KAZN: variants seen among roughly 807,000 people sequenced by gnomAD.
The protein encoded by KAZN is kazrin.
KAZN carries 40 observed loss-of-function variants against 87.4 expected under a neutral mutation model. That is an observed-to-expected ratio of 0.46 (90% confidence interval 0.36 to 0.60). The LOEUF (loss-of-function observed/expected upper bound fraction) is 0.60. Among genes scored for constraint, KAZN ranks in the 20% least tolerant of loss-of-function variants. The pLI is 0.00. For missense variants in KAZN, 898 were observed against 1,073.9 expected (o/e 0.84, Z 2.29); for synonymous variants, 466 against 458.3 (o/e 1.02, Z -0.22).
intron 2 of KAZN, among the ~76,000 whole-genome samples, chr1:14,971,036 C>T (rs1664971043): frequency 6.6e-6 from 1 of 152,234 alleles, no homozygotes; most frequent in Non-Finnish European, 1.5e-5. Flanking sequence ...GTCCTCCCAA[C>T]AACCCATGTT....
chr1:14,729,077 G>A (rs1643556564), intron 1 of KAZN, among the ~76,000 whole-genome samples: 1 of 152,098 alleles, frequency 6.6e-6, no homozygotes, highest in African/African-American at 2.4e-5. Context: ...TATCCTTGAG[G>A]CTTTCCTGCC....
intron 2 of KAZN, among the ~76,000 whole-genome samples, chr1:14,395,276 T>C (rs939815957): frequency 6.6e-6 from 1 of 152,236 alleles, no homozygotes; most frequent in African/African-American, 2.4e-5. Context: ...AAGTCTGTGT[T>C]GATGTTGTCA....
At chr1:13,996,791 TG>T (rs1389670207) in intron 1 of KAZN, among the ~76,000 whole-genome samples, 2 of 152,228 alleles carry the variant, frequency 1.3e-5, no homozygotes, top group African/African-American at 4.8e-5. Context: ...CTGAGGAATC[TG>T]GGCAGCCCGG....
At chr1:15,000,044 G>T (rs1668307951) in intron 2 of KAZN, among the ~76,000 whole-genome samples, 1 of 152,162 alleles carries the variant, frequency 6.6e-6, no homozygotes, top group African/African-American at 2.4e-5. Context: ...TGTGACGGAG[G>T]ATCTTGAGAT....
At chr1:14,874,514 ATGGATG>A (rs1652537305) in intron 1 of KAZN, among the ~76,000 whole-genome samples, 1 of 151,862 alleles carries the variant, frequency 6.6e-6, no homozygotes, top group African/African-American at 2.4e-5. Flanking sequence ...GGATGGATGG[ATGGATG>A]GACAGATGGA....
At chr1:14,537,608 C>T (rs143947878) in intron 2 of KAZN, among the ~76,000 whole-genome samples, 5 of 152,264 alleles carry the variant, frequency 3.3e-5, no homozygotes, top group African/African-American at 1.2e-4. Flanking sequence ...AGCCTCAGTT[C>T]CTACAGTTCC....
chr1:13,976,475 A>T (rs1027610125), intron 1 of KAZN, among the ~76,000 whole-genome samples: 1 of 151,996 alleles, frequency 6.6e-6, no homozygotes, highest in African/African-American at 2.4e-5. Flanking sequence ...CAGAAATTGC[A>T]GTAAGAAAGC....
intron 2 of KAZN, among the ~76,000 whole-genome samples, chr1:14,401,790 T>G (rs546025096): frequency 6.6e-6 from 1 of 152,120 alleles, no homozygotes; most frequent in African/African-American, 2.4e-5. Context: ...GAATCAATCA[T>G]TAGTAAGCTC....
At chr1:14,665,932 C>CAAAAAAA (rs60081619) in intron 1 of KAZN, among the ~76,000 whole-genome samples, 6 of 108,014 alleles carry the variant, frequency 5.6e-5, no homozygotes, top group Admixed American at 1.1e-4. Flanking sequence ...AAGCTTTGCT[C>CAAAAAAA]AAAAAAAAAA....
chr1:14,973,890 TG>T (rs1665345379), intron 2 of KAZN, among the ~76,000 whole-genome samples: 1 of 151,990 alleles, frequency 6.6e-6, no homozygotes, highest in African/African-American at 2.4e-5. Context: ...TAAATCTTAG[TG>T]GCATAAAGCA....
rs1487193079 is a variant in KAZN at position 14,514,397 on chromosome 1, TTA to T, written c.250-84577_250-84576del. On this transcript the variant is annotated intron_variant, in intron 2 of 16. Transcript: ENST00000636203. ...TATAATATATATATATTATATATAT[TTA>T]TATATATAATATATAAATATATATA... Among the ~76,000 whole-genome samples, 10 of 10,154 alleles carry T rather than the reference TTA, an allele frequency of 9.8e-4. 3 individuals are homozygous for T. The highest frequency in any genetic ancestry group is 1.8e-3 in the African/African-American group (6 of 3,396). The allele number at this position is 10,154 out of a possible 152,430, so 6.7% of individuals were successfully genotyped here. A position where few individuals can be genotyped will look rare whatever the true frequency, so the allele number is the denominator to read the frequency against.
At chr1:14,871,997 T>C (rs1652196672) in intron 1 of KAZN, among the ~76,000 whole-genome samples, 1 of 152,084 alleles carries the variant, frequency 6.6e-6, no homozygotes, top group Non-Finnish European at 1.5e-5. Flanking sequence ...GAAGGGGGCA[T>C]GAATATGCGC....
At chr1:14,487,551 G>T (rs1669414450) in intron 2 of KAZN, among the ~76,000 whole-genome samples, 1 of 152,194 alleles carries the variant, frequency 6.6e-6, no homozygotes. Flanking sequence ...GAAGAAATTA[G>T]CTAAGTAGGG....
chr1:14,925,905 C>A (rs1659119690), intron 1 of KAZN, among the ~76,000 whole-genome samples: 1 of 152,058 alleles, frequency 6.6e-6, no homozygotes, highest in African/African-American at 2.4e-5. Context: ...AGCATCGATG[C>A]GAAAAGGAAG....
chr1:14,022,485 CAAAAAAAAAAAAAAAAAAA>C (rs58713618), intron 1 of KAZN, among the ~76,000 whole-genome samples: 2 of 110,482 alleles, frequency 1.8e-5, no homozygotes, highest in Non-Finnish European at 3.5e-5. Flanking sequence ...GTATTTAAAG[CAAAAAAAAAAAAAAAAAAA>C]AAAAAAAAAA....
chr1:15,100,895 G>A (rs563216186), intron 10 of KAZN, among the ~76,000 whole-genome samples: 13 of 152,222 alleles, frequency 8.5e-5, no homozygotes, highest in South Asian at 2.1e-4. Context: ...AAAACAGACC[G>A]CAGAGCACTG....
At chr1:14,561,540 G>A (rs1674252430) in intron 2 of KAZN, among the ~76,000 whole-genome samples, 1 of 152,166 alleles carries the variant, frequency 6.6e-6, no homozygotes, top group Admixed American at 6.5e-5. Context: ...GCTGCAGGTG[G>A]GAAACTTTCA....
chr1:14,709,591 GT>G (rs1213281112), intron 1 of KAZN, among the ~76,000 whole-genome samples: 1 of 152,186 alleles, frequency 6.6e-6, no homozygotes, highest in Non-Finnish European at 1.5e-5. Flanking sequence ...AAGCTTTTCG[GT>G]TGGCTCAGCA....
chr1:14,907,921 A>G (rs1656795475), intron 1 of KAZN, among the ~76,000 whole-genome samples: 1 of 152,198 alleles, frequency 6.6e-6, no homozygotes, highest in Non-Finnish European at 1.5e-5. Context: ...TCCCTGTTTC[A>G]TTAGGGCCAT....
Sources: allele counts gnomAD v4.1 joint callset (sites outside exome capture counted in the v4.1 genomes callset), GRCh38; gene constraint gnomAD v4.1.1; transcripts MANE v1.5; gene names NCBI Gene and HGNC (gene_info 2026-07-23, HGNC 2026-07-21).